The following BRIP1 variants were observed in gnomAD, a reference collection of about 807,000 sequenced individuals.
The protein encoded by BRIP1 is BRCA1 interacting DNA helicase 1, also known as Fanconi anemia group J protein.
BRIP1 carries 88 observed loss-of-function variants against 119.7 expected under a neutral mutation model. That is an observed-to-expected ratio of 0.74 (90% CI 0.62 to 0.88). BRIP1 has a LOEUF of 0.88. Ranked by LOEUF, BRIP1 falls within the 40% of genes least tolerant of loss-of-function variation. The probability of loss-of-function intolerance (pLI) is 0.00; values close to 1 mark genes in which losing one functional copy is unlikely to be tolerated. For missense variants in BRIP1, 1,259 were observed against 1,455.4 expected (o/e 0.87, Z 2.20); for synonymous variants, 443 against 496.5 (o/e 0.89, Z 1.43).
In BRIP1 at chr17:61,744,872, TTAC is replaced by T. The variant is rs2077039503; in HGVS notation, c.2098-284_2098-282del. Among the ~76,000 whole-genome samples the T allele has an allele frequency of 1.3e-5, 2 of 151,438 alleles. No homozygotes were observed. The highest frequency in any genetic ancestry group is 4.2e-4 in the South Asian group (2 of 4,808). On this transcript the variant is annotated intron_variant, in intron 14 of 19. Transcript: ENST00000259008. The surrounding 1 kb of genome is among the most constrained non-coding windows in gnomAD (Gnocchi z 5.0). ...ACCACTACTACTGCTACTACTACTATTACTACTACTACTTCTACTATTATCTTG... is the reference window on the plus strand; with the variant it reads ...ACCACTACTACTGCTACTACTACTATTACTACTACTTCTACTATTATCTTG...
intron 16 of BRIP1, among the ~76,000 whole-genome samples, chr17:61,728,279 T>C (rs1256016523): frequency 6.7e-6 from 1 of 149,032 alleles, no homozygotes; most frequent in Non-Finnish European, 1.5e-5. Context: ...TGCTTTATCT[T>C]AGAAAGTAAT....
rs2144153319 is a variant in BRIP1 at position 61,690,011 on chromosome 17, A to T, written c.2575+3419T>A. Among the ~76,000 whole-genome samples the T allele has an allele frequency of 6.6e-6, 1 of 152,334 alleles. No homozygotes were observed. Among genetic ancestry groups the T allele is most frequent in the East Asian group, 1.9e-4 (1 of 5,178 alleles). ...GCAGAGTAACATCCTGTCTCCAAAAAGAGAAAGATTTCTCAGGCGACATCT... is the reference window on the plus strand; with the variant it reads ...GCAGAGTAACATCCTGTCTCCAAAATGAGAAAGATTTCTCAGGCGACATCT... On this transcript the variant is annotated intron_variant, in intron 18 of 19. Coordinates refer to ENST00000259008, the MANE Select transcript of BRIP1 (RefSeq NM_032043.3). This position sits in a 1 kb window ranked among gnomAD's most constrained non-coding sequence, Gnocchi z 5.6.
In BRIP1 at chr17:61,767,092, G is replaced by A. The variant is rs565075470; in HGVS notation, c.2097+9309C>T. ...TGGGGAAAAAAACTAGATGAACAACGTTCTCACTCTTACCCTTAAACAAAT... is the reference window on the plus strand; with the variant it reads ...TGGGGAAAAAAACTAGATGAACAACATTCTCACTCTTACCCTTAAACAAAT... On this transcript the variant is annotated intron_variant, in intron 14 of 19. Coordinates refer to ENST00000259008, the MANE Select transcript of BRIP1 (RefSeq NM_032043.3). The surrounding 1 kb of genome is among the most constrained non-coding windows in gnomAD (Gnocchi z 5.7). Among the ~76,000 whole-genome samples, 1 of 152,092 alleles carries A rather than the reference G, an allele frequency of 6.6e-6. No individual in the cohort carries two copies. The highest frequency in any genetic ancestry group is 1.9e-4 in the East Asian group (1 of 5,168).
Position 61,690,400 on chromosome 17 carries a change from G to A in BRIP1, c.2575+3030C>T, listed in dbSNP as rs755573166. ...TGTTAGTGGATACACTATATAAAAG[G>A]GTATAATTTGTGACTTTAATAATAA... On this transcript the variant is annotated intron_variant, in intron 18 of 19. Transcript: ENST00000259008. The surrounding 1 kb of genome is among the most constrained non-coding windows in gnomAD (Gnocchi z 5.6). 6.6e-6 allele frequency among the ~76,000 whole-genome samples: 1 copy of A among 151,992 alleles called. No homozygotes were observed. Among genetic ancestry groups the A allele is most frequent in the Non-Finnish European group, 1.5e-5 (1 of 67,996 alleles).
chr17:61,830,352 T>C (rs1205526401), intron 6 of BRIP1, among the ~76,000 whole-genome samples: 1 of 121,752 alleles, frequency 8.2e-6, no homozygotes, highest in African/African-American at 3.1e-5. Flanking sequence ...AAACAGAAAG[T>C]CAACAAAAAC....
At chr17:61,786,702 C>T (rs1231990155) in intron 10 of BRIP1, among the ~76,000 whole-genome samples, 1 of 141,706 alleles carries the variant, frequency 7.1e-6, no homozygotes, top group South Asian at 2.1e-4. Context: ...CTATAATTCA[C>T]ATGCTTACAA....
intron 11 of BRIP1, among the ~76,000 whole-genome samples, chr17:61,782,388 GA>G (rs10661242): frequency 1.8e-5 from 2 of 113,040 alleles, no homozygotes; most frequent in South Asian, 3.0e-4. Context: ...TCCCGTCTCA[GA>G]AAAAAAAAAA....
Position 61,725,631 on chromosome 17 carries a change from T to C in BRIP1, c.2380-9568A>G, listed in dbSNP as rs144445289. ...AGGGCTAAGTTAAAGTTTTCATTTT[T>C]ATTTTTTAGAGACAAGGTCTTGCTC... On this transcript the variant is annotated intron_variant, in intron 16 of 19. Transcript: ENST00000259008. This position sits in a 1 kb window ranked among gnomAD's most constrained non-coding sequence, Gnocchi z 5.3. Among the ~76,000 whole-genome samples the C allele has an allele frequency of 2.7e-3, 412 of 152,312 alleles. No homozygotes were observed. The highest frequency in any genetic ancestry group is 6.8e-3 in the Middle Eastern group (2 of 294).
rs1745342930 is a variant in BRIP1, at chr17:61,703,061, T to C, written c.2493-9549A>G. ...CATTGTGTATGTATGTGTTTTTTTGTTTTTGTTTGTTTGTTTGTTTTGAGA... is the reference window on the plus strand; with the variant it reads ...CATTGTGTATGTATGTGTTTTTTTGCTTTTGTTTGTTTGTTTGTTTTGAGA... On this transcript the variant is annotated intron_variant, in intron 17 of 19. Transcript: ENST00000259008. The surrounding 1 kb of genome is among the most constrained non-coding windows in gnomAD (Gnocchi z 5.0). 6.6e-6 allele frequency among the ~76,000 whole-genome samples: 1 copy of C among 151,828 alleles called. No individual in the cohort carries two copies. The highest frequency in any genetic ancestry group is 1.5e-5 in the Non-Finnish European group (1 of 67,962).
chr17:61,680,484 T>C lies in BRIP1; in HGVS notation c.*2812A>G, dbSNP rs112375062. On this transcript the variant is annotated 3_prime_UTR_variant, in exon 20 of 20. Transcript: ENST00000259008. ...TACCAATTCTAAAGGTAATTTCTTT[T>C]TTTTTTTTTTTTTGAGACGGAGTCC... Among the ~76,000 whole-genome samples the C allele has an allele frequency of 2.0e-4, 14 of 71,208 alleles. No homozygotes were observed. The highest frequency in any genetic ancestry group is 2.3e-4 in the Admixed American group (1 of 4,312). 46.7% of individuals were successfully genotyped at this position (71,208 alleles called of 152,430 possible). A position where few individuals can be genotyped will look rare whatever the true frequency, so the allele number is the denominator to read the frequency against.
intron 8 of BRIP1, among the ~76,000 whole-genome samples, chr17:61,800,540 T>C (rs2077974322): frequency 6.6e-6 from 1 of 152,160 alleles, no homozygotes; most frequent in African/African-American, 2.4e-5. Flanking sequence ...TTAAGAAATA[T>C]GAACTTTATC....
chr17:61,772,974 G>A (rs1003489766), intron 14 of BRIP1, among the ~76,000 whole-genome samples: 1 of 151,842 alleles, frequency 6.6e-6, no homozygotes, highest in Non-Finnish European at 1.5e-5. Context: ...AGTGAAGGGA[G>A]CTGTTGTTTT....
In BRIP1 at chr17:61,769,331, C is replaced by A. The variant is rs968640556; in HGVS notation, c.2097+7070G>T. On this transcript the variant is annotated intron_variant, in intron 14 of 19. Coordinates refer to ENST00000259008, the MANE Select transcript of BRIP1 (RefSeq NM_032043.3). This position sits in a 1 kb window ranked among gnomAD's most constrained non-coding sequence, Gnocchi z 4.9. Reference sequence around the variant, plus strand: ...GTTATGCAGCAACATAGAACTAATACAACCCATCTAATTATATTTCAATCC... The same window carrying A: ...GTTATGCAGCAACATAGAACTAATAAAACCCATCTAATTATATTTCAATCC... Among the ~76,000 whole-genome samples the A allele has an allele frequency of 6.6e-6, 1 of 152,154 alleles. No individual in the cohort carries two copies. The highest frequency in any genetic ancestry group is 6.5e-5 in the Admixed American group (1 of 15,270).
intron 6 of BRIP1, among the ~76,000 whole-genome samples, chr17:61,817,398 T>C (rs2078252907): frequency 6.6e-6 from 1 of 152,212 alleles, no homozygotes; most frequent in African/African-American, 2.4e-5. Context: ...TTTTTCAAAC[T>C]TTCTTCAATG....
rs370153589 is a variant in BRIP1 at position 61,757,726 on chromosome 17, G to A, written c.2098-13135C>T. ...GAAAAGAAAACAATAAAAGCCAGAC[G>A]CGGTGGCTCACACCTGTAATCCCAG... On this transcript the variant is annotated intron_variant, in intron 14 of 19. Coordinates refer to ENST00000259008, the MANE Select transcript of BRIP1 (RefSeq NM_032043.3). The surrounding 1 kb of genome is among the most constrained non-coding windows in gnomAD (Gnocchi z 4.3). Among the ~76,000 whole-genome samples, 41 of 152,124 alleles carry A rather than the reference G, an allele frequency of 2.7e-4. 2 individuals are homozygous for A. The highest frequency in any genetic ancestry group is 7.0e-4 in the African/African-American group (29 of 41,506).
chr17:61,712,413 CA>C (rs1430756006), intron 17 of BRIP1, among the ~76,000 whole-genome samples: 2 of 151,626 alleles, frequency 1.3e-5, no homozygotes, highest in African/African-American at 4.8e-5. Context: ...GGGGTTTCAC[CA>C]CGTTGACCAG....
Position 61,693,593 on chromosome 17 carries a change from G to GA in BRIP1, c.2493-82dup. On this transcript the variant is annotated intron_variant, in intron 17 of 19. Transcript: ENST00000259008. This position sits in a 1 kb window ranked among gnomAD's most constrained non-coding sequence, Gnocchi z 4.2. ...TTCCAGTGGGACAGACAGAAAATTG[G>GA]AAAAAAATCAATTTTATAGATTCCT... 9 of 1,190,266 alleles carry GA rather than the reference G, an allele frequency of 7.6e-6. No individual in the cohort carries two copies. The highest frequency in any genetic ancestry group is 2.3e-5 in the East Asian group (1 of 42,660). 73.7% of individuals were successfully genotyped at this position (1,190,266 alleles called of 1,614,324 possible). A position where few individuals can be genotyped will look rare whatever the true frequency, so the allele number is the denominator to read the frequency against.
rs2078342726 is a variant in BRIP1 at position 61,822,580 on chromosome 17, A to G, written c.628-13823T>C. On this transcript the variant is annotated intron_variant, in intron 6 of 19. Transcript: ENST00000259008. This position sits in a 1 kb window ranked among gnomAD's most constrained non-coding sequence, Gnocchi z 4.4. ...GAATAGGAAAACAGACTGCTCTCAC[A>G]TCTACTATTGTTCAGAATATTAGAT... is the stretch of plus-strand genomic sequence containing the variant. 6.6e-6 allele frequency among the ~76,000 whole-genome samples: 1 copy of G among 152,232 alleles called. No homozygotes were observed. Among genetic ancestry groups the G allele is most frequent in the Admixed American group, 6.5e-5 (1 of 15,282 alleles).
At chr17:61,783,097 A>C (rs1008402638) in intron 11 of BRIP1, among the ~76,000 whole-genome samples, 5 of 152,206 alleles carry the variant, frequency 3.3e-5, no homozygotes, top group Admixed American at 6.5e-5. Flanking sequence ...TTGTACACCA[A>C]CGTTCATAGT....
Sources: allele counts gnomAD v4.1 joint callset (sites outside exome capture counted in the v4.1 genomes callset), GRCh38; gene constraint gnomAD v4.1.1; non-coding constraint Gnocchi (gnomAD v3.1); transcripts MANE v1.5; gene names NCBI Gene and HGNC (gene_info 2026-07-23, HGNC 2026-07-21).